The following RUNDC3B variants were observed in gnomAD, a reference collection of about 807,000 sequenced individuals.
RUNDC3B encodes RUN domain containing 3B, also known as RUN domain-containing protein 3B.
A neutral mutation model predicts 58.4 loss-of-function variants in RUNDC3B; 33 were observed. That is an observed-to-expected ratio of 0.56 (90% CI 0.43 to 0.75). The LOEUF (loss-of-function observed/expected upper bound fraction) is 0.75, where lower values mean the gene tolerates loss of function less well. Among genes scored for constraint, RUNDC3B ranks in the 30% least tolerant of loss-of-function variants. The pLI is 0.00. For missense variants in RUNDC3B, 501 were observed against 535.7 expected (o/e 0.94, Z 0.64); for synonymous variants, 193 against 195.2 (o/e 0.99, Z 0.10).
intron 2 of RUNDC3B, among the ~76,000 whole-genome samples, chr7:87,692,327 C>T (rs1274999976): frequency 3.3e-5 from 5 of 152,034 alleles, no homozygotes; most frequent in South Asian, 2.1e-4. Context: ...CCTGGTGGCA[C>T]GCACCTGTAG....
At chr7:87,711,422 T>A (rs1488274143) in intron 4 of RUNDC3B, among the ~76,000 whole-genome samples, 5 of 152,000 alleles carry the variant, frequency 3.3e-5, no homozygotes, top group Non-Finnish European at 7.4e-5. Context: ...AAACCATTGT[T>A]TTTCTTGGAT....
At chr7:87,800,843 C>T (rs554704463) in intron 8 of RUNDC3B, among the ~76,000 whole-genome samples, 1 of 151,998 alleles carries the variant, frequency 6.6e-6, no homozygotes, top group Non-Finnish European at 1.5e-5. Flanking sequence ...TAGATAGGTT[C>T]TCACTGTGTT....
At chr7:87,818,873 A>G (rs1376346533) in intron 10 of RUNDC3B, among the ~76,000 whole-genome samples, 1 of 152,176 alleles carries the variant, frequency 6.6e-6, no homozygotes, top group Non-Finnish European at 1.5e-5. Flanking sequence ...AAGCAGTGTT[A>G]AGAAGGTAAA....
At chr7:87,707,413 C>T (rs1226088437) in intron 3 of RUNDC3B, among the ~76,000 whole-genome samples, 1 of 152,098 alleles carries the variant, frequency 6.6e-6, no homozygotes, top group Non-Finnish European at 1.5e-5. Context: ...GGTGTGATGG[C>T]CTTTAATCCC....
Position 87,750,862 on chromosome 7 carries a change from G to A in RUNDC3B, c.629+9283G>A, listed in dbSNP as rs1021008225. 8.1e-3 allele frequency among the ~76,000 whole-genome samples: 1,226 copies of A among 151,378 alleles called. 16 individuals carry two copies. The highest frequency in any genetic ancestry group is 7.2e-3 in the Non-Finnish European group (485 of 67,748). On this transcript the variant is annotated intron_variant, in intron 6 of 10. Transcript: ENST00000394654. ...CACTCTGATGGTAGTTTCTTTTGCT[G>A]TGCAGAAGCTCTTTAGTTTAATTAG... is the stretch of plus-strand genomic sequence containing the variant.
At position 87,652,621 on chromosome 7, in the gene RUNDC3B, G is replaced by GATATATATATATATATAT. The variant is rs373344881; in HGVS notation, c.238+1692_238+1709dup. Among the ~76,000 whole-genome samples, 447 of 125,266 alleles carry GATATATATATATATATAT rather than the reference G, an allele frequency of 3.6e-3. 10 individuals are homozygous for GATATATATATATATATAT. The highest frequency in any genetic ancestry group is 9.5e-3 in the African/African-American group (277 of 29,024). 82.2% of individuals were successfully genotyped at this position (125,266 alleles called of 152,430 possible). ...CTGTCAGTTGACTCTTGTGGTCACT[G>GATATATATATATATATAT]ATATATATATATATATATATATATA... On this transcript the variant is annotated intron_variant, in intron 2 of 10. Transcript: ENST00000394654.
intron 8 of RUNDC3B, among the ~76,000 whole-genome samples, chr7:87,784,669 C>T (rs572236066): frequency 6.8e-6 from 1 of 146,204 alleles, no homozygotes; most frequent in East Asian, 2.0e-4. Flanking sequence ...ATTTCAGTGC[C>T]TTCATAGTGC....
chr7:87,681,792 C>T (rs1826955832), intron 2 of RUNDC3B, among the ~76,000 whole-genome samples: 1 of 152,154 alleles, frequency 6.6e-6, no homozygotes, highest in South Asian at 2.1e-4. Flanking sequence ...AGGAGGATCA[C>T]TTGAGTTCCA....
At chr7:87,795,723 C>CAA (rs551631238) in intron 8 of RUNDC3B, among the ~76,000 whole-genome samples, 1,619 of 113,342 alleles carry the variant, frequency 0.014, 14 homozygotes, top group Admixed American at 0.022. Flanking sequence ...ACTAAAAATA[C>CAA]AAAAAAAAAA....
chr7:87,789,449 T>C (rs955943950), intron 8 of RUNDC3B, among the ~76,000 whole-genome samples: 3 of 152,204 alleles, frequency 2.0e-5, no homozygotes, highest in African/African-American at 7.2e-5. Flanking sequence ...CATAAGTCAG[T>C]GATACTATGC....
chr7:87,674,160 G>T (rs1313582656), intron 2 of RUNDC3B, among the ~76,000 whole-genome samples: 3 of 152,186 alleles, frequency 2.0e-5, no homozygotes, highest in African/African-American at 7.2e-5. Flanking sequence ...TCATCGAGGT[G>T]GTGGCAGTGG....
intron 7 of RUNDC3B, among the ~76,000 whole-genome samples, chr7:87,777,177 T>A (rs1834682945): frequency 6.6e-6 from 1 of 152,174 alleles, no homozygotes; most frequent in South Asian, 2.1e-4. Flanking sequence ...TAATAGCTAG[T>A]AATTATACAT....
chr7:87,722,347 C>T (rs1292070052), intron 4 of RUNDC3B, among the ~76,000 whole-genome samples: 1 of 151,990 alleles, frequency 6.6e-6, no homozygotes, highest in Admixed American at 6.6e-5. Flanking sequence ...TGATCAACAC[C>T]TCCCATGCCC....
intron 2 of RUNDC3B, among the ~76,000 whole-genome samples, chr7:87,664,610 A>G (rs1214261854): frequency 6.6e-6 from 1 of 152,182 alleles, no homozygotes; most frequent in East Asian, 1.9e-4. Flanking sequence ...GATGTCTGAA[A>G]TAAAACATTA....
intron 1 of RUNDC3B, among the ~76,000 whole-genome samples, chr7:87,638,308 T>A (rs559673503): frequency 2.0e-5 from 3 of 151,716 alleles, no homozygotes; most frequent in Admixed American, 1.3e-4. Context: ...GTCATTAAGA[T>A]TATTTGGCTT....
At chr7:87,751,128 A>G (rs1199305980) in intron 6 of RUNDC3B, among the ~76,000 whole-genome samples, 2 of 152,184 alleles carry the variant, frequency 1.3e-5, no homozygotes, top group Admixed American at 1.3e-4. Context: ...ACCATTTATT[A>G]AATAGGGAAT....
intron 8 of RUNDC3B, among the ~76,000 whole-genome samples, chr7:87,780,103 T>C (rs1395781177): frequency 6.6e-6 from 1 of 152,202 alleles, no homozygotes; most frequent in African/African-American, 2.4e-5. Flanking sequence ...TAGGAGTGCA[T>C]GTCTATTTGG....
chr7:87,742,567 CATAGATAA>C (rs1352371070), intron 6 of RUNDC3B, among the ~76,000 whole-genome samples: 9 of 143,138 alleles, frequency 6.3e-5, no homozygotes, highest in East Asian at 2.1e-4. Context: ...AGTATTCCAT[CATAGATAA>C]ATAGATAGAT....
Position 87,650,644 on chromosome 7 carries a change from C to T in RUNDC3B, c.123-178C>T, listed in dbSNP as rs527247993. On this transcript the variant is annotated intron_variant, in intron 1 of 10. Coordinates refer to ENST00000394654, the MANE Select transcript of RUNDC3B (RefSeq NM_001134405.2). ...AATAGGAAATATATCAATAAAAAGA[C>T]TCCTTTCTGTAAAAATTTCCATTTA... is the stretch of plus-strand genomic sequence containing the variant. Among the ~76,000 whole-genome samples, 148 of 152,184 alleles carry T rather than the reference C, an allele frequency of 9.7e-4. 1 individual carries two copies. The highest frequency in any genetic ancestry group is 3.4e-3 in the African/African-American group (140 of 41,546).
Sources: gnomAD v4.1 joint callset for allele counts (sites outside exome capture counted in the v4.1 genomes callset) on GRCh38, gnomAD v4.1.1 for gene constraint, MANE v1.5 for transcripts, NCBI Gene and HGNC (gene_info 2026-07-23, HGNC 2026-07-21) for gene names.